BRD8: variants seen among roughly 807,000 people sequenced by gnomAD.
BRD8 encodes bromodomain containing 8.
In BRD8, 67 loss-of-function variants were observed where a neutral mutation model predicts 143.1. That is an observed-to-expected ratio of 0.47 (90% CI 0.38 to 0.57). The LOEUF is 0.57. BRD8 is among the 20% of genes least tolerant of loss of function. The pLI is 0.00. For synonymous variants in BRD8, 505 were observed against 517.1 expected (o/e 0.98, Z 0.32); for missense variants, 1,103 against 1,503.0 (o/e 0.73, Z 4.40).
intron 14 of BRD8, 126 bp from the exon 15 acceptor site, chr5:138,163,470 G>GCTGT (rs1651253917): frequency 7.4e-7 from 1 of 1,353,218 alleles, no homozygotes; most frequent in Non-Finnish European, 1.0e-6. Flanking sequence ...TCCTGACTCA[G>GCTGT]CTGTCTATCA....
chr5:138,149,889 A>C, intron 22 of BRD8, 92 bp from the exon 23 acceptor site: 1 of 1,185,064 alleles, frequency 8.4e-7, no homozygotes, highest in Non-Finnish European at 1.2e-6. Flanking sequence ...GCTGCCCTTA[A>C]GGTGAGAAGA....
rs547392385 is a variant in BRD8, at chr5:138,156,459, G to A, written c.2577+3096C>T. On this transcript the variant is annotated intron_variant, in intron 20 of 26. Coordinates refer to ENST00000254900, the MANE Select transcript of BRD8 (RefSeq NM_139199.2). ...GGCCGCCAAGAACTCTTTATACAGA[G>A]TCTTTAACCATAAAAACAGGAAAAA... is the stretch of plus-strand genomic sequence containing the variant. Among the ~76,000 whole-genome samples, 46 of 152,114 alleles carry A rather than the reference G, an allele frequency of 3.0e-4. No homozygotes were observed. The South Asian group carries it at 5.6e-3, about 19-fold the overall frequency.
chr5:138,162,351 T>C (rs1278648683), intron 15 of BRD8, among the ~76,000 whole-genome samples: 1 of 152,030 alleles, frequency 6.6e-6, no homozygotes, highest in Admixed American at 6.6e-5. Flanking sequence ...CATACCACCA[T>C]GCCCAGCTAA....
chr5:138,169,580 T>G (rs1753707642), intron 7 of BRD8, among the ~76,000 whole-genome samples: 1 of 152,254 alleles, frequency 6.6e-6, no homozygotes, highest in African/African-American at 2.4e-5. Context: ...TTTAACAATC[T>G]CAAACTACTT....
chr5:138,148,558 G>A (rs1420750333), intron 23 of BRD8, among the ~76,000 whole-genome samples: 1 of 151,816 alleles, frequency 6.6e-6, no homozygotes, highest in Non-Finnish European at 1.5e-5. Context: ...TTGTAAAGAT[G>A]AGGTTTCACT....
rs1190377055 is a variant in BRD8, at chr5:138,161,034, CTA to C, written c.2282_2283del (p.Ile761ArgfsTer10). 6.2e-7 allele frequency: 1 copy of C among 1,612,630 alleles called. No homozygotes were observed. The highest frequency in any genetic ancestry group is 8.5e-7 in the Non-Finnish European group (1 of 1,179,578). Reference protein sequence around the residue: ...PMDLSTIKKNIENGLIRSTAE... With the variant: ...PMDLSTIKKNXENGLIRSTAE... ...GCTGTGCTTCGGATCAGTCCATTTT[CTA>C]TGTTTTTCTTAATAGTTGACAAATC... On this transcript the variant is annotated frameshift_variant, in exon 18 of 27. Transcript: ENST00000254900. LOFTEE classifies it high-confidence loss of function.
intron 10 of BRD8, 186 bp downstream of exon 10, chr5:138,166,332 A>G: frequency 3.2e-6 from 2 of 616,258 alleles, no homozygotes; most frequent in Non-Finnish European, 5.7e-6. Context: ...TTCCTGCAAT[A>G]CATAAATGCC....
Position 138,160,092 on chromosome 5 carries a change from G to A in BRD8, c.2509C>T (p.Arg837Cys), listed in dbSNP as rs771457159. Residue 837 changes from arginine (R) to cysteine (C), a missense_variant, in exon 19 of 27, where the codon CGC becomes TGC. This residue lies in a region of BRD8 where 64 missense variants were observed against 211.3 expected (regional missense o/e 0.30). Coordinates refer to ENST00000254900, the MANE Select transcript of BRD8 (RefSeq NM_139199.2). Reference sequence around the variant, plus strand: ...ACCTTCTCTGAAGCATCCTGTTTGCGGGTAGAATCTCTCCCTCGAAGACTT... The same window carrying A: ...ACCTTCTCTGAAGCATCCTGTTTGCAGGTAGAATCTCTCCCTCGAAGACTT... ...AKSLRGRDST[R>C]KQDASEKDSV... The A allele has an allele frequency of 3.1e-6, 5 of 1,613,936 alleles. No homozygotes were observed. Among genetic ancestry groups the A allele is most frequent in the South Asian group, 2.2e-5 (2 of 91,074 alleles).
chr5:138,167,512 G>T (rs1031570914), intron 9 of BRD8: 8 of 191,896 alleles, frequency 4.2e-5, no homozygotes, highest in Non-Finnish European at 8.6e-5. Context: ...TCCTTGTGAA[G>T]TATATATGTT....
intron 6 of BRD8, 158 bp downstream of exon 6, chr5:138,170,674 C>A: frequency 1.3e-6 from 1 of 747,674 alleles, no homozygotes; most frequent in South Asian, 1.6e-5. Flanking sequence ...CTAGGACTCA[C>A]TCCCCCCTCC....
Position 138,164,965 on chromosome 5 carries a change from C to G in BRD8, c.1480G>C (p.Gly494Arg). Residue 494 changes from glycine (G) to arginine (R), a missense_variant, in exon 12 of 27, where the codon GGA becomes CGA. Coordinates refer to ENST00000254900, the MANE Select transcript of BRD8 (RefSeq NM_139199.2). ...CTGATGTCCACCAGTTCATGTATTC[C>G]CTTGTTTTCCGTTTCCTCAAAGTCC... ...RLDFEETENK[G>R]IHELVDIREP... 1 of 1,614,168 alleles carries G rather than the reference C, an allele frequency of 6.2e-7. No homozygotes were observed. The highest frequency in any genetic ancestry group is 8.5e-7 in the Non-Finnish European group (1 of 1,180,024).
chr5:138,149,096 T>C (rs920827146), intron 23 of BRD8, among the ~76,000 whole-genome samples: 4 of 151,842 alleles, frequency 2.6e-5, no homozygotes, highest in Non-Finnish European at 4.4e-5. Context: ...CCATAGTTTG[T>C]ATATTAGGCA....
chr5:138,150,719 A>G, intron 22 of BRD8, 26 bp downstream of exon 22: 1 of 1,581,262 alleles, frequency 6.3e-7, no homozygotes, highest in Non-Finnish European at 8.6e-7. Context: ...GACCAACAAG[A>G]CAGCTGATTT....
chr5:138,168,193 G>C, intron 8 of BRD8, 115 bp from the exon 9 acceptor site: 1 of 772,334 alleles, frequency 1.3e-6, no homozygotes, highest in Non-Finnish European at 2.2e-6. Context: ...AATATCCACA[G>C]AGAATAATTT....
chr5:138,155,519 C>A (rs1752552276), intron 20 of BRD8, among the ~76,000 whole-genome samples: 1 of 149,518 alleles, frequency 6.7e-6, no homozygotes, highest in South Asian at 2.1e-4. Flanking sequence ...AAGTTATTAA[C>A]AGAAGTTGGA....
rs747319280 is a variant in BRD8, at chr5:138,140,119, T to C, written c.3663A>G (p.Glu1221=). The change falls in exon 27 of 27, where the codon GAA becomes GAG. Residue 1221 remains glutamate (E), a synonymous_variant. Coordinates refer to ENST00000254900, the MANE Select transcript of BRD8 (RefSeq NM_139199.2). The part of the protein sequence containing the change: ...LDKRKGSSSL[E]GEPANPVDDG... ...CATCCACTGGGTTAGCTGGTTCTCC[T>C]TCCAGACTACTTGAGCCTTTTCTTT... The C allele has an allele frequency of 6.2e-7, 1 of 1,614,030 alleles. No homozygotes were observed. Among genetic ancestry groups the C allele is most frequent in the Admixed American group, 1.7e-5 (1 of 60,022 alleles).
At chr5:138,156,234 G>C (rs920535622) in intron 20 of BRD8, among the ~76,000 whole-genome samples, 5 of 151,928 alleles carry the variant, frequency 3.3e-5, no homozygotes, top group Non-Finnish European at 7.4e-5. Context: ...CCGCCTCCCG[G>C]GTTCAAGTGC....
At chr5:138,148,657 C>T (rs1332668135) in intron 23 of BRD8, among the ~76,000 whole-genome samples, 1 of 152,152 alleles carries the variant, frequency 6.6e-6, no homozygotes, top group African/African-American at 2.4e-5. Context: ...GTGTGAGCCA[C>T]TGCGCCTGGC....
intron 21 of BRD8, 27 bp from the exon 22 acceptor site, chr5:138,151,035 C>T (rs1166248285): frequency 6.3e-7 from 1 of 1,599,132 alleles, no homozygotes; most frequent in South Asian, 1.1e-5. Context: ...TTATTAGATG[C>T]ACAGGAACAC....
Sources: allele counts gnomAD v4.1 joint callset (sites outside exome capture counted in the v4.1 genomes callset), GRCh38; gene constraint gnomAD v4.1.1; regional missense constraint gnomAD v4.1.1; transcripts MANE v1.5; gene names NCBI Gene and HGNC (gene_info 2026-07-23, HGNC 2026-07-21).